Variants in LRP1B observed in about 807,000 individuals in gnomAD.
LRP1B encodes the protein low-density lipoprotein receptor-related protein 1B.
LRP1B carries 217 observed loss-of-function variants against 556.6 expected under a neutral mutation model. The observed-to-expected ratio is 0.39, with a 90% confidence interval of 0.35 to 0.44. The LOEUF (loss-of-function observed/expected upper bound fraction) is 0.44, where lower values mean the gene tolerates loss of function less well. Among genes scored for constraint, LRP1B ranks in the 20% least tolerant of loss-of-function variants. The pLI is 1.00. For synonymous variants in LRP1B, 2,047 were observed against 1,865.8 expected, an observed-to-expected ratio of 1.10 and a Z score of -2.50; for missense variants, 5,053 against 5,620.8, an observed-to-expected ratio of 0.90 and a Z score of 3.23.
At chr2:140,484,769 C>T (rs560281940) in intron 59 of LRP1B, among the ~76,000 whole-genome samples, 2 of 152,280 alleles carry the variant, frequency 1.3e-5, no homozygotes, top group Non-Finnish European at 2.9e-5. Flanking sequence ...AATCTCCAGC[C>T]TGTGGTCCTG....
chr2:141,759,872 T>A (rs1694467994), intron 2 of LRP1B, among the ~76,000 whole-genome samples: 1 of 152,180 alleles, frequency 6.6e-6, no homozygotes, highest in African/African-American at 2.4e-5. Context: ...GCGAGGCACC[T>A]GTAATCCCAG....
chr2:140,285,121 ATATATATGTGTGTGTGTAGATACACATG>A (rs1683088206), intron 84 of LRP1B, among the ~76,000 whole-genome samples: 1 of 150,014 alleles, frequency 6.7e-6, no homozygotes, highest in South Asian at 2.1e-4. Flanking sequence ...ATGTGTGTGT[ATATATATGTGTGTGTGTAGATACACATG>A]TATATATGTG....
intron 1 of LRP1B, among the ~76,000 whole-genome samples, chr2:141,959,382 G>C (rs1246792330): frequency 3.3e-5 from 5 of 151,916 alleles, no homozygotes; most frequent in Non-Finnish European, 5.9e-5. Flanking sequence ...ATGAAATAAA[G>C]AGCTTTGCTT....
intron 31 of LRP1B, among the ~76,000 whole-genome samples, chr2:140,815,277 C>G (rs1691073520): frequency 6.6e-6 from 1 of 152,006 alleles, no homozygotes; most frequent in Non-Finnish European, 1.5e-5. Flanking sequence ...GAATGTGAAT[C>G]ATTAAATGCA....
At chr2:141,036,004 G>A (rs546444709) in intron 11 of LRP1B, among the ~76,000 whole-genome samples, 21 of 152,096 alleles carry the variant, frequency 1.4e-4, no homozygotes, top group Non-Finnish European at 2.1e-4. Context: ...TTCAGAGCTC[G>A]GCTTTGCTTA....
At position 141,421,351 on chromosome 2, in the gene LRP1B, A is replaced by AC. The variant is rs373942190; in HGVS notation, c.343+59044dup. ...AGACCATCCCGGCTAAAACGGTGAAACCCCGTCTCTACTAAAAATACAAAA... is the reference window on the plus strand; with the variant it reads ...AGACCATCCCGGCTAAAACGGTGAAACCCCCGTCTCTACTAAAAATACAAAA... On this transcript the variant is annotated intron_variant, in intron 3 of 90. Coordinates refer to ENST00000389484, the MANE Select transcript of LRP1B (RefSeq NM_018557.3). 6.0e-3 allele frequency among the ~76,000 whole-genome samples: 914 copies of AC among 151,796 alleles called. 11 individuals are homozygous for AC. The highest frequency in any genetic ancestry group is 0.021 in the African/African-American group (861 of 41,404).
intron 41 of LRP1B, among the ~76,000 whole-genome samples, chr2:140,680,509 T>G (rs996196276): frequency 3.9e-5 from 6 of 152,216 alleles, no homozygotes; most frequent in African/African-American, 1.4e-4. Context: ...TACAATGAAA[T>G]AACTGCTGAC....
chr2:141,304,658 A>C (rs763650261), intron 3 of LRP1B, among the ~76,000 whole-genome samples: 34 of 149,774 alleles, frequency 2.3e-4, no homozygotes, highest in Non-Finnish European at 4.9e-4. Flanking sequence ...GTTTTTTTCT[A>C]TATATATATA....
intron 3 of LRP1B, among the ~76,000 whole-genome samples, chr2:141,352,414 A>G (rs899197198): frequency 2.0e-5 from 3 of 151,888 alleles, no homozygotes; most frequent in Non-Finnish European, 4.4e-5. Context: ...TTTTAGATTT[A>G]TAAAAAAGTT....
chr2:141,525,524 A>T (rs1166260393), intron 2 of LRP1B, among the ~76,000 whole-genome samples: 1 of 152,088 alleles, frequency 6.6e-6, no homozygotes, highest in East Asian at 1.9e-4. Flanking sequence ...TCTTCCTATA[A>T]AATTATTTTT....
At chr2:141,622,990 T>C (rs1174093507) in intron 2 of LRP1B, among the ~76,000 whole-genome samples, 3 of 152,212 alleles carry the variant, frequency 2.0e-5, no homozygotes, top group African/African-American at 7.2e-5. Flanking sequence ...ATGATGCTGA[T>C]TATCAGCATA....
intron 6 of LRP1B, among the ~76,000 whole-genome samples, chr2:141,200,682 A>G (rs1681970963): frequency 6.6e-6 from 1 of 151,900 alleles, no homozygotes; most frequent in Non-Finnish European, 1.5e-5. Context: ...CCATTGCCCT[A>G]ATTTTATTTT....
intron 23 of LRP1B, among the ~76,000 whole-genome samples, chr2:140,890,139 G>A (rs531334673): frequency 6.6e-5 from 10 of 151,210 alleles, no homozygotes; most frequent in Non-Finnish European, 1.5e-4. Flanking sequence ...GGTACATAAT[G>A]TATATAACTT....
intron 7 of LRP1B, among the ~76,000 whole-genome samples, chr2:141,150,049 G>T (rs1267016411): frequency 6.6e-6 from 1 of 152,176 alleles, no homozygotes; most frequent in Non-Finnish European, 1.5e-5. Flanking sequence ...GAATGGGTGT[G>T]AGGTTGTGAG....
At chr2:140,669,853 A>G (rs934274195) in intron 41 of LRP1B, among the ~76,000 whole-genome samples, 1 of 148,070 alleles carries the variant, frequency 6.8e-6, no homozygotes, top group Admixed American at 7.2e-5. Flanking sequence ...TGATAATCGC[A>G]CACATATTAA....
intron 7 of LRP1B, 39 bp from the exon 8 acceptor site, chr2:141,062,312 G>C: frequency 7.0e-7 from 1 of 1,432,872 alleles, no homozygotes. Flanking sequence ...GGAGGGTGGG[G>C]GAGGGAAGCA....
At chr2:140,313,147 T>C (rs980883959) in intron 83 of LRP1B, among the ~76,000 whole-genome samples, 2 of 151,926 alleles carry the variant, frequency 1.3e-5, no homozygotes, top group Non-Finnish European at 2.9e-5. Context: ...AAATGCTTTT[T>C]AAGTGACTTA....
At chr2:141,481,495 A>C (rs1320094875) in intron 2 of LRP1B, among the ~76,000 whole-genome samples, 1 of 152,202 alleles carries the variant, frequency 6.6e-6, no homozygotes, top group Admixed American at 6.5e-5. Context: ...CTTAGGTTTT[A>C]ATCAGAACTC....
chr2:140,488,434 G>A (rs1056222928), intron 57 of LRP1B, among the ~76,000 whole-genome samples: 4 of 151,940 alleles, frequency 2.6e-5, no homozygotes, highest in Non-Finnish European at 4.4e-5. Flanking sequence ...TCATGGTTAT[G>A]CATTTTTTAG....
Sources: gnomAD v4.1 joint callset for allele counts (sites outside exome capture counted in the v4.1 genomes callset) on GRCh38, gnomAD v4.1.1 for gene constraint, MANE v1.5 for transcripts, NCBI Gene and HGNC (gene_info 2026-07-23, HGNC 2026-07-21) for gene names.